Variants in KCNIP4 observed in about 807,000 individuals in gnomAD.
The protein encoded by KCNIP4 is potassium voltage-gated channel interacting protein 4.
A neutral mutation model predicts 34.0 loss-of-function variants in KCNIP4; 12 were observed. The observed-to-expected ratio is 0.35, with a 90% CI of 0.23 to 0.57. KCNIP4 has a LOEUF of 0.57. KCNIP4 is among the 20% of genes least tolerant of loss of function. KCNIP4 has a pLI of 0.83. For missense variants in KCNIP4, 238 were observed against 311.7 expected, an observed-to-expected ratio of 0.76 and a Z score of 1.78; for synonymous variants, 124 against 102.2, an observed-to-expected ratio of 1.21 and a Z score of -1.29.
At chr4:21,366,813 G>T (rs1719818551) in intron 1 of KCNIP4, among the ~76,000 whole-genome samples, 1 of 152,072 alleles carries the variant, frequency 6.6e-6, no homozygotes, top group African/African-American at 2.4e-5. Context: ...AGAGAGGGGA[G>T]GGAGGGAGAG....
chr4:20,852,703 A>G (rs1721164602), intron 2 of KCNIP4, among the ~76,000 whole-genome samples: 1 of 152,220 alleles, frequency 6.6e-6, no homozygotes, highest in Non-Finnish European at 1.5e-5. Context: ...TTTGTTGATG[A>G]CATGATTGTT....
intron 1 of KCNIP4, among the ~76,000 whole-genome samples, chr4:21,630,353 T>C (rs1191124873): frequency 4.6e-5 from 7 of 151,652 alleles, no homozygotes; most frequent in African/African-American, 1.5e-4. Context: ...TCATCCTAGC[T>C]ACTGTGGAGG....
At chr4:20,746,631 T>C (rs1752485525) in intron 5 of KCNIP4, among the ~76,000 whole-genome samples, 1 of 152,154 alleles carries the variant, frequency 6.6e-6, no homozygotes, top group Non-Finnish European at 1.5e-5. Flanking sequence ...ATTATGACTT[T>C]TTCATTTTTA....
At chr4:20,833,814 T>A (rs568867317) in intron 3 of KCNIP4, among the ~76,000 whole-genome samples, 1 of 152,336 alleles carries the variant, frequency 6.6e-6, no homozygotes, top group South Asian at 2.1e-4. Flanking sequence ...GACTCCGTGC[T>A]CATTTTTACT....
At chr4:21,752,013 G>T (rs1045250474) in intron 1 of KCNIP4, among the ~76,000 whole-genome samples, 1 of 152,076 alleles carries the variant, frequency 6.6e-6, no homozygotes, top group East Asian at 1.9e-4. Context: ...ATAGATCAGC[G>T]CTGCCTTTTC....
rs553144408 is a variant in KCNIP4, at chr4:21,874,094, C to A, written c.61+74477G>T. ...TACGCATAGCCGCAACAAGGAGTAG[C>A]ACTGTTATTCGAAGGGGGCACTTAA... On this transcript the variant is annotated intron_variant, in intron 1 of 8. Coordinates refer to ENST00000382152, the MANE Select transcript of KCNIP4 (RefSeq NM_025221.6). Among the ~76,000 whole-genome samples, 6 of 152,310 alleles carry A rather than the reference C, an allele frequency of 3.9e-5. No homozygotes were observed. In the East Asian group the frequency reaches 1.2e-3, roughly 29 times the overall value.
At chr4:21,921,144 G>A (rs1168601312) in intron 1 of KCNIP4, among the ~76,000 whole-genome samples, 1 of 151,814 alleles carries the variant, frequency 6.6e-6, no homozygotes, top group Non-Finnish European at 1.5e-5. Context: ...TTAATGGTTT[G>A]TTTCTTCCCT....
intron 1 of KCNIP4, among the ~76,000 whole-genome samples, chr4:21,070,699 A>C (rs1744824548): frequency 1.1e-5 from 1 of 92,322 alleles, no homozygotes; most frequent in African/African-American, 4.5e-5. Context: ...TTTTTGAGAC[A>C]GAGTCTTGCT....
chr4:21,259,937 G>A (rs889480155), intron 1 of KCNIP4, among the ~76,000 whole-genome samples: 5 of 149,490 alleles, frequency 3.3e-5, no homozygotes, highest in Non-Finnish European at 7.4e-5. Flanking sequence ...GCGCTTATGT[G>A]CATTGTGCAA....
chr4:21,567,327 T>C (rs1265539095), intron 1 of KCNIP4, among the ~76,000 whole-genome samples: 1 of 151,980 alleles, frequency 6.6e-6, no homozygotes, highest in Non-Finnish European at 1.5e-5. Context: ...GCCAATGAGA[T>C]ATGAATGGAA....
chr4:21,033,339 C>A (rs1435888827), intron 1 of KCNIP4, among the ~76,000 whole-genome samples: 1 of 152,054 alleles, frequency 6.6e-6, no homozygotes, highest in African/African-American at 2.4e-5. Flanking sequence ...ATAGGTTTTC[C>A]ATTTACAAGG....
At chr4:21,100,909 T>C (rs1747876883) in intron 1 of KCNIP4, among the ~76,000 whole-genome samples, 1 of 117,918 alleles carries the variant, frequency 8.5e-6, no homozygotes, top group African/African-American at 3.7e-5. Context: ...TTGTTTTGTA[T>C]GATTGTTTGT....
At chr4:21,589,166 A>ATATG (rs1553907617) in intron 1 of KCNIP4, among the ~76,000 whole-genome samples, 1 of 39,762 alleles carries the variant, frequency 2.5e-5, no homozygotes, top group Admixed American at 3.3e-4. Flanking sequence ...GTATATATAT[A>ATATG]TATATATATA....
chr4:21,798,454 A>G (rs1488162675), intron 1 of KCNIP4, among the ~76,000 whole-genome samples: 5 of 134,574 alleles, frequency 3.7e-5, no homozygotes, highest in African/African-American at 1.3e-4. Flanking sequence ...ACACATCTGT[A>G]GTCCCAGCTA....
chr4:20,980,455 C>G (rs1407183073), intron 1 of KCNIP4, among the ~76,000 whole-genome samples: 1 of 152,132 alleles, frequency 6.6e-6, no homozygotes, highest in Non-Finnish European at 1.5e-5. Flanking sequence ...CTTTTGAGTC[C>G]TAAGTCATGA....
intron 1 of KCNIP4, chr4:21,304,020 G>T: frequency 7.6e-6 from 7 of 922,470 alleles, no homozygotes; most frequent in Non-Finnish European, 5.8e-6. Flanking sequence ...AAGGGGAGGA[G>T]GAGAGCGTAT....
intron 1 of KCNIP4, among the ~76,000 whole-genome samples, chr4:21,617,921 T>G (rs576943410): frequency 6.6e-6 from 1 of 152,332 alleles, no homozygotes; most frequent in Admixed American, 6.5e-5. Context: ...CTCTGTGAGT[T>G]TGAATTACCT....
chr4:21,413,451 T>TA (rs1178777585), intron 1 of KCNIP4, among the ~76,000 whole-genome samples: 4 of 152,274 alleles, frequency 2.6e-5, no homozygotes, highest in Non-Finnish European at 4.4e-5. Context: ...GAAAGCACCT[T>TA]AAAAAAATCC....
intron 1 of KCNIP4, among the ~76,000 whole-genome samples, chr4:21,123,433 G>A (rs545731351): frequency 6.6e-6 from 1 of 152,180 alleles, no homozygotes; most frequent in South Asian, 2.1e-4. Flanking sequence ...AGACATGGTG[G>A]AGCATGGCAA....
Sources: allele counts gnomAD v4.1 joint callset (sites outside exome capture counted in the v4.1 genomes callset), GRCh38; gene constraint gnomAD v4.1.1; transcripts MANE v1.5; gene names NCBI Gene and HGNC (gene_info 2026-07-23, HGNC 2026-07-21).